Variants in ANO10 observed in about 807,000 individuals in gnomAD.
ANO10 encodes anoctamin-10.
A neutral mutation model predicts 74.7 loss-of-function variants in ANO10; 77 were observed. The ratio of observed to expected loss-of-function variants is 1.03; its 90% CI spans 0.86 to 1.25. ANO10 has a LOEUF of 1.25. Ranked by LOEUF, ANO10 falls within the 50% of genes most tolerant of loss-of-function variation. The probability of loss-of-function intolerance (pLI) is 0.00; values close to 1 mark genes in which losing one functional copy is unlikely to be tolerated. For missense variants in ANO10, 721 were observed against 778.1 expected (o/e 0.93, Z 0.87); for synonymous variants, 279 against 284.9 (o/e 0.98, Z 0.21).
At chr3:43,519,432 T>C (rs2077854012) in intron 11 of ANO10, among the ~76,000 whole-genome samples, 2 of 152,156 alleles carry the variant, frequency 1.3e-5, no homozygotes, top group African/African-American at 4.8e-5. Flanking sequence ...ATACTCTAAC[T>C]AAGATGGACA....
intron 1 of ANO10, among the ~76,000 whole-genome samples, chr3:43,631,745 A>G (rs2083549585): frequency 6.6e-6 from 1 of 151,388 alleles, no homozygotes; most frequent in Admixed American, 6.6e-5. Flanking sequence ...ATGGCAAAAG[A>G]AAGTGCTTAT....
intron 11 of ANO10, among the ~76,000 whole-genome samples, chr3:43,455,466 G>A (rs1443912560): frequency 6.6e-6 from 1 of 152,044 alleles, no homozygotes; most frequent in East Asian, 1.9e-4. Context: ...ACGTGTATTA[G>A]AGAGGTTCTG....
intron 1 of ANO10, among the ~76,000 whole-genome samples, chr3:43,671,003 C>T (rs552711369): frequency 2.0e-5 from 3 of 152,258 alleles, no homozygotes; most frequent in Admixed American, 2.0e-4. Context: ...AGAGAAAAGA[C>T]CCCTTATGTC....
chr3:43,483,563 C>T (rs1388365644), intron 11 of ANO10, among the ~76,000 whole-genome samples: 1 of 152,120 alleles, frequency 6.6e-6, no homozygotes, highest in Non-Finnish European at 1.5e-5. Flanking sequence ...CAACACTACC[C>T]ACATGATTGA....
chr3:43,533,518 C>T (rs950834542), intron 11 of ANO10, among the ~76,000 whole-genome samples: 3 of 152,096 alleles, frequency 2.0e-5, no homozygotes, highest in Non-Finnish European at 4.4e-5. Flanking sequence ...GCCTTAGTAA[C>T]AGTAAAGAAA....
intron 12 of ANO10, among the ~76,000 whole-genome samples, chr3:43,377,776 G>C (rs1397089384): frequency 6.6e-6 from 1 of 152,196 alleles, no homozygotes; most frequent in African/African-American, 2.4e-5. Context: ...GAAAGCCATG[G>C]CTAGGTGACA....
chr3:43,437,865 GAA>G (rs572553231), intron 11 of ANO10, among the ~76,000 whole-genome samples: 3 of 108,964 alleles, frequency 2.8e-5, no homozygotes, highest in African/African-American at 6.8e-5. Flanking sequence ...AAGGGCATCT[GAA>G]AAAAAAAAAC....
intron 4 of ANO10, among the ~76,000 whole-genome samples, chr3:43,591,074 C>A (rs1480570179): frequency 6.6e-6 from 1 of 152,176 alleles, no homozygotes; most frequent in Non-Finnish European, 1.5e-5. Flanking sequence ...GAGCGGCAAC[C>A]CCCTTTGGGT....
chr3:43,381,757 A>G (rs2091965403), intron 12 of ANO10, among the ~76,000 whole-genome samples: 1 of 152,262 alleles, frequency 6.6e-6, no homozygotes, highest in African/African-American at 2.4e-5. Flanking sequence ...TCACAACTGC[A>G]GAATATACAT....
At chr3:43,495,698 A>G (rs1481560735) in intron 11 of ANO10, among the ~76,000 whole-genome samples, 1 of 151,566 alleles carries the variant, frequency 6.6e-6, no homozygotes, top group African/African-American at 2.4e-5. Flanking sequence ...CCAATTTGTG[A>G]AAAAAAAATT....
At chr3:43,583,558 G>C (rs918102786) in intron 4 of ANO10, among the ~76,000 whole-genome samples, 1 of 152,188 alleles carries the variant, frequency 6.6e-6, no homozygotes, top group African/African-American at 2.4e-5. Context: ...TCTGTCTTTG[G>C]TTTATGTGAT....
At chr3:43,512,127 G>C (rs1172734842) in intron 11 of ANO10, among the ~76,000 whole-genome samples, 2 of 152,166 alleles carry the variant, frequency 1.3e-5, no homozygotes. Context: ...TGCAGCCCAT[G>C]ATCTCTCACT....
intron 4 of ANO10, among the ~76,000 whole-genome samples, chr3:43,594,790 C>G (rs185827775): frequency 3.2e-4 from 48 of 152,048 alleles, no homozygotes; most frequent in Middle Eastern, 3.4e-3. Context: ...GATAGAGACA[C>G]AAAAAACCCT....
chr3:43,420,607 G>A (rs2092805942), intron 12 of ANO10, among the ~76,000 whole-genome samples: 1 of 151,560 alleles, frequency 6.6e-6, no homozygotes, highest in Non-Finnish European at 1.5e-5. Flanking sequence ...TAAAAACAAA[G>A]TTTTTTTTTA....
chr3:43,680,672 C>T (rs559387041), intron 1 of ANO10, among the ~76,000 whole-genome samples: 1 of 152,274 alleles, frequency 6.6e-6, no homozygotes, highest in African/African-American at 2.4e-5. Context: ...ATGTTAAGGG[C>T]AGCCAGAGAG....
intron 1 of ANO10, among the ~76,000 whole-genome samples, chr3:43,663,964 A>G (rs2083957150): frequency 6.6e-6 from 1 of 152,208 alleles, no homozygotes; most frequent in South Asian, 2.1e-4. Flanking sequence ...GCCCAAAGTA[A>G]TTTATAGATT....
intron 11 of ANO10, among the ~76,000 whole-genome samples, chr3:43,517,656 C>A (rs2077766571): frequency 6.6e-6 from 1 of 152,116 alleles, no homozygotes; most frequent in Admixed American, 6.6e-5. Flanking sequence ...CAGAATGGAA[C>A]CTACCCTGTT....
chr3:43,525,202 AGCC>A (rs1221696908), intron 11 of ANO10, among the ~76,000 whole-genome samples: 2 of 152,054 alleles, frequency 1.3e-5, no homozygotes, highest in Non-Finnish European at 2.9e-5. Flanking sequence ...TGTCCTCTCT[AGCC>A]TCACCTCACA....
At chr3:43,590,387 C>T (rs1238984509) in intron 4 of ANO10, among the ~76,000 whole-genome samples, 1 of 152,072 alleles carries the variant, frequency 6.6e-6, no homozygotes, top group Admixed American at 6.5e-5. Flanking sequence ...CAATTCTGAA[C>T]ACAAAAGAGT....
Sources: gnomAD v4.1 joint callset for allele counts (sites outside exome capture counted in the v4.1 genomes callset) on GRCh38, gnomAD v4.1.1 for gene constraint, MANE v1.5 for transcripts, NCBI Gene and HGNC (gene_info 2026-07-23, HGNC 2026-07-21) for gene names.